VWA8: variants seen among roughly 807,000 people sequenced by gnomAD.
VWA8 encodes the protein von Willebrand factor A domain-containing protein 8.
Under a neutral mutation model 241.5 loss-of-function variants are expected in VWA8, and 221 were observed. The observed-to-expected ratio is 0.91, with a 90% CI of 0.82 to 1.02. VWA8 has a LOEUF of 1.02. VWA8 is among the 50% of genes least tolerant of loss of function. The pLI, the probability that VWA8 is intolerant of heterozygous loss-of-function variation, is 0.00. For synonymous variants in VWA8, 852 were observed against 827.1 expected (o/e 1.03, Z -0.52); for missense variants, 2,322 against 2,328.7 (o/e 1.00, Z 0.06).
intron 21 of VWA8, among the ~76,000 whole-genome samples, chr13:41,739,643 C>T (rs2045551117): frequency 6.6e-6 from 1 of 151,994 alleles, no homozygotes. Flanking sequence ...AAAACTCTTA[C>T]CTTAAAGAAA....
At chr13:41,899,687 GACT>G (rs1207559337) in intron 4 of VWA8, among the ~76,000 whole-genome samples, 4 of 152,056 alleles carry the variant, frequency 2.6e-5, no homozygotes, top group African/African-American at 4.8e-5. Context: ...TTATAAATAT[GACT>G]ACATTTGTAA....
chr13:41,606,983 A>G (rs1277525322), intron 39 of VWA8, among the ~76,000 whole-genome samples: 4 of 152,198 alleles, frequency 2.6e-5, no homozygotes, highest in Non-Finnish European at 4.4e-5. Context: ...GCCCTCTGTT[A>G]TGGTGTTTTC....
intron 39 of VWA8, among the ~76,000 whole-genome samples, chr13:41,608,110 C>A (rs2044564185): frequency 6.6e-6 from 1 of 152,096 alleles, no homozygotes; most frequent in Non-Finnish European, 1.5e-5. Flanking sequence ...TGGTAAGCCA[C>A]CTCGAGCAGA....
intron 21 of VWA8, among the ~76,000 whole-genome samples, chr13:41,754,052 C>A (rs2045675203): frequency 6.6e-6 from 1 of 151,800 alleles, no homozygotes; most frequent in Non-Finnish European, 1.5e-5. Context: ...TAAAAAATTC[C>A]CCACACTGAA....
intron 4 of VWA8, among the ~76,000 whole-genome samples, chr13:41,895,459 A>T (rs1268607371): frequency 6.6e-6 from 1 of 152,196 alleles, no homozygotes; most frequent in Non-Finnish European, 1.5e-5. Flanking sequence ...AAACGAAACC[A>T]AACACACACA....
Position 41,655,147 on chromosome 13 carries a change from C to T in VWA8, c.4611+15799G>A, listed in dbSNP as rs146778239. On this transcript the variant is annotated intron_variant, in intron 37 of 44. Transcript: ENST00000379310. ...GCTCGTGGCCCAAGATGGAGTGCAG[C>T]GGCATGCTCTTGGCTCACTGCAACC... 1.7e-3 allele frequency among the ~76,000 whole-genome samples: 256 copies of T among 149,944 alleles called. 1 individual carries two copies. Among genetic ancestry groups the T allele is most frequent in the African/African-American group, 6.0e-3 (243 of 40,622 alleles).
chr13:41,591,238 T>C (rs2044452797), intron 40 of VWA8, among the ~76,000 whole-genome samples: 1 of 152,352 alleles, frequency 6.6e-6, no homozygotes. Context: ...CTGAAAACAA[T>C]AGTATGTGAA....
intron 35 of VWA8, among the ~76,000 whole-genome samples, chr13:41,678,114 T>C (rs1031522666): frequency 1.3e-5 from 2 of 152,162 alleles, no homozygotes; most frequent in Admixed American, 1.3e-4. Flanking sequence ...TATTAAACCA[T>C]TGTGGGCCTC....
At chr13:41,960,804 G>A (rs952103343) in intron 1 of VWA8, 49 bp downstream of exon 1, 10 of 1,482,082 alleles carry the variant, frequency 6.7e-6, no homozygotes, top group East Asian at 2.8e-5. Flanking sequence ...CGGGGACCCG[G>A]CACGGAGCGC....
intron 34 of VWA8, 80 bp downstream of exon 34, chr13:41,689,274 C>T: frequency 1.4e-6 from 2 of 1,389,324 alleles, no homozygotes; most frequent in Non-Finnish European, 1.9e-6. Context: ...TTTTAATTAC[C>T]CCTCAAACAG....
chr13:41,593,034 G>A (rs1007458430), intron 40 of VWA8, among the ~76,000 whole-genome samples: 2 of 152,156 alleles, frequency 1.3e-5, no homozygotes, highest in African/African-American at 4.8e-5. Flanking sequence ...TTCCATCAGT[G>A]TTTCATGGGA....
At chr13:41,855,120 C>T (rs1277775826) in intron 12 of VWA8, among the ~76,000 whole-genome samples, 2 of 151,560 alleles carry the variant, frequency 1.3e-5, no homozygotes, top group East Asian at 1.9e-4. Context: ...TTAGAAAGAA[C>T]AAAAATCAGT....
chr13:41,955,965 T>A (rs1402000371), intron 1 of VWA8: 1 of 152,222 alleles, frequency 6.6e-6, no homozygotes, highest in African/African-American at 2.4e-5. Flanking sequence ...TGCTCACGTT[T>A]CAGAATGGAG....
intron 19 of VWA8, among the ~76,000 whole-genome samples, chr13:41,778,485 C>T (rs148056183): frequency 6.6e-6 from 1 of 152,240 alleles, no homozygotes; most frequent in African/African-American, 2.4e-5. Context: ...CTATGGATAG[C>T]TTCAGAATTA....
chr13:41,951,286 A>G (rs1407778486), intron 1 of VWA8, among the ~76,000 whole-genome samples: 1 of 152,106 alleles, frequency 6.6e-6, no homozygotes, highest in Non-Finnish European at 1.5e-5. Flanking sequence ...GCGTGGTGGT[A>G]CGTACCTGTA....
chr13:41,757,650 G>T (rs2045703963), intron 21 of VWA8, among the ~76,000 whole-genome samples: 1 of 151,472 alleles, frequency 6.6e-6, no homozygotes, highest in African/African-American at 2.4e-5. Flanking sequence ...TATGTCCATG[G>T]ATACTCAATG....
intron 21 of VWA8, among the ~76,000 whole-genome samples, chr13:41,747,452 T>C (rs879383531): frequency 2.6e-5 from 4 of 152,196 alleles, no homozygotes; most frequent in Non-Finnish European, 4.4e-5. Flanking sequence ...TGATTTTGTA[T>C]CCTGAGACTT....
At chr13:41,764,943 G>A (rs2045769337) in intron 20 of VWA8, among the ~76,000 whole-genome samples, 1 of 152,034 alleles carries the variant, frequency 6.6e-6, no homozygotes. Flanking sequence ...AGAAGAGAAA[G>A]CAAAGGAAAG....
intron 20 of VWA8, among the ~76,000 whole-genome samples, chr13:41,774,817 A>G (rs931665489): frequency 6.6e-6 from 1 of 152,256 alleles, no homozygotes; most frequent in Non-Finnish European, 1.5e-5. Flanking sequence ...TCAGTATCAC[A>G]TATCAGTTGA....
Sources: allele counts gnomAD v4.1 joint callset (sites outside exome capture counted in the v4.1 genomes callset), GRCh38; gene constraint gnomAD v4.1.1; transcripts MANE v1.5; gene names NCBI Gene and HGNC (gene_info 2026-07-23, HGNC 2026-07-21).